ELOVL2: variants seen among roughly 807,000 people sequenced by gnomAD.
The protein encoded by ELOVL2 is ELOVL fatty acid elongase 2, also known as very long chain fatty acid elongase 2.
ELOVL2 carries 38 observed loss-of-function variants against 37.7 expected under a neutral mutation model. The ratio of observed to expected loss-of-function variants is 1.01; its 90% CI spans 0.78 to 1.32. ELOVL2 has a LOEUF of 1.32. ELOVL2 is among the 40% of genes most tolerant of loss of function. The pLI, the probability that ELOVL2 is intolerant of heterozygous loss-of-function variation, is 0.00. For synonymous variants in ELOVL2, 115 were observed against 122.3 expected (o/e 0.94, Z 0.40); for missense variants, 352 against 363.6 (o/e 0.97, Z 0.26).
rs759405393 is a variant in ELOVL2 at position 10,990,272 on chromosome 6, C to T, written c.630+46G>A. On this transcript the variant is annotated intron_variant, in intron 6 of 7. Coordinates refer to ENST00000354666, the MANE Select transcript of ELOVL2 (RefSeq NM_017770.4). ...TTCTAAGATTTCTATTTCCTTTCCC[C>T]ATCCATAAGCCACATGGAGAAAAGC... 3 of 1,589,022 alleles carry T rather than the reference C, an allele frequency of 1.9e-6. No homozygotes were observed. The African/African-American group carries it at 4.1e-5, about 22-fold the overall frequency.
chr6:10,992,408 T>C (rs1005895191), intron 5 of ELOVL2, among the ~76,000 whole-genome samples: 2 of 144,974 alleles, frequency 1.4e-5, no homozygotes, highest in Non-Finnish European at 3.1e-5. Flanking sequence ...CTGTTCCCTA[T>C]AGCTCAGTGC....
chr6:11,032,569 C>T lies in ELOVL2; in HGVS notation c.3+11659G>A, dbSNP rs185625104. 2.2e-4 allele frequency among the ~76,000 whole-genome samples: 34 copies of T among 152,260 alleles called. 1 individual carries two copies. In the Middle Eastern group the frequency reaches 0.01, roughly 46 times the overall value. ...TCCTCTGTATGCATGAATCTGCATC[C>T]GTGGATTCAGCCAATCACTTACTAG... On this transcript the variant is annotated intron_variant, in intron 1 of 7. Coordinates refer to ENST00000354666, the MANE Select transcript of ELOVL2 (RefSeq NM_017770.4).
chr6:11,042,617 C>T (rs78794430), intron 1 of ELOVL2, among the ~76,000 whole-genome samples: 2,493 of 151,954 alleles, frequency 0.016, 55 homozygotes, highest in African/African-American at 0.057. Flanking sequence ...AATGCTTTGT[C>T]CACTCTGATG....
At chr6:10,995,765 G>A (rs1782257114) in intron 4 of ELOVL2, among the ~76,000 whole-genome samples, 1 of 152,206 alleles carries the variant, frequency 6.6e-6, no homozygotes, top group Non-Finnish European at 1.5e-5. Context: ...GGTGTAGCTA[G>A]TGTTACGAAT....
At chr6:10,994,534 T>C (rs1455532822) in intron 5 of ELOVL2, among the ~76,000 whole-genome samples, 2 of 152,062 alleles carry the variant, frequency 1.3e-5, no homozygotes, top group Admixed American at 1.3e-4. Context: ...GTATTTCTTA[T>C]TGTAATTCTG....
chr6:11,011,030 A>C (rs917036218), intron 1 of ELOVL2, among the ~76,000 whole-genome samples: 1 of 152,150 alleles, frequency 6.6e-6, no homozygotes, highest in African/African-American at 2.4e-5. Context: ...TTATTTCCTT[A>C]GGCAAGAGGA....
intron 5 of ELOVL2, among the ~76,000 whole-genome samples, chr6:10,990,671 C>G (rs537696788): frequency 2.9e-4 from 32 of 108,516 alleles, no homozygotes; most frequent in Non-Finnish European, 4.5e-4. Context: ...CAGAATGCCC[C>G]CCCCCCGCCA....
chr6:10,996,549 A>G (rs558646008), intron 4 of ELOVL2, among the ~76,000 whole-genome samples: 43 of 152,222 alleles, frequency 2.8e-4, no homozygotes, highest in African/African-American at 1.0e-3. Context: ...GGGCACCTGT[A>G]GTCCCAGCTA....
chr6:11,003,817 C>T (rs1168908087), intron 3 of ELOVL2, among the ~76,000 whole-genome samples: 1 of 152,118 alleles, frequency 6.6e-6, no homozygotes. Flanking sequence ...GGTGGCGGCT[C>T]ACGCCTGTAA....
intron 4 of ELOVL2, 69 bp downstream of exon 4, chr6:11,000,018 A>C (rs1782351561): frequency 7.2e-7 from 1 of 1,384,298 alleles, no homozygotes; most frequent in African/African-American, 1.4e-5. Flanking sequence ...TCTATCTGGA[A>C]GGAGAAAACC....
intron 1 of ELOVL2, among the ~76,000 whole-genome samples, chr6:11,035,900 C>T (rs528017186): frequency 2.6e-5 from 4 of 152,214 alleles, no homozygotes; most frequent in African/African-American, 9.6e-5. Context: ...GTACTGAGCA[C>T]GTGCTGAATG....
At chr6:11,034,642 C>G (rs1782981609) in intron 1 of ELOVL2, among the ~76,000 whole-genome samples, 1 of 151,756 alleles carries the variant, frequency 6.6e-6, no homozygotes, top group South Asian at 2.1e-4. Context: ...GAGATTGCGC[C>G]ACTGCACTCC....
chr6:11,031,037 C>T (rs1248867816), intron 1 of ELOVL2, among the ~76,000 whole-genome samples: 1 of 152,180 alleles, frequency 6.6e-6, no homozygotes, highest in East Asian at 1.9e-4. Context: ...TGCACTATAA[C>T]GTAGCACACT....
chr6:11,021,161 C>T (rs1030781381), intron 1 of ELOVL2, among the ~76,000 whole-genome samples: 1 of 152,218 alleles, frequency 6.6e-6, no homozygotes, highest in African/African-American at 2.4e-5. Flanking sequence ...CAGATGTCCT[C>T]TTTGTTCCAG....
rs144312984 is a variant in ELOVL2, at chr6:11,030,677, A to G, written c.3+13551T>C. ...CGGCTAATTTTTTTGTATTTTTAGT[A>G]GAGATGGGGTTTCACTGTGTTAGCC... On this transcript the variant is annotated intron_variant, in intron 1 of 7. Coordinates refer to ENST00000354666, the MANE Select transcript of ELOVL2 (RefSeq NM_017770.4). 5.3e-3 allele frequency among the ~76,000 whole-genome samples: 804 copies of G among 151,878 alleles called. 1 individual carries two copies. The highest frequency in any genetic ancestry group is 0.018 in the African/African-American group (761 of 41,270).
At chr6:11,028,437 C>T (rs571099627) in intron 1 of ELOVL2, among the ~76,000 whole-genome samples, 4 of 152,206 alleles carry the variant, frequency 2.6e-5, no homozygotes, top group South Asian at 4.1e-4. Flanking sequence ...GGGTGGCTTC[C>T]GTCCAGAGAA....
At chr6:11,007,873 CACCTGAGGT>C (rs1782506778) in intron 2 of ELOVL2, among the ~76,000 whole-genome samples, 1 of 152,150 alleles carries the variant, frequency 6.6e-6, no homozygotes, top group South Asian at 2.1e-4. Flanking sequence ...ACTAATATAG[CACCTGAGGT>C]TTTTGTTTTC....
At chr6:11,014,679 T>C (rs1293725211) in intron 1 of ELOVL2, among the ~76,000 whole-genome samples, 1 of 151,890 alleles carries the variant, frequency 6.6e-6, no homozygotes, top group Admixed American at 6.6e-5. Flanking sequence ...TGTACATACA[T>C]GCCTAGGCAA....
In ELOVL2 at chr6:11,035,883, T is replaced by C. The variant is rs146534181; in HGVS notation, c.3+8345A>G. On this transcript the variant is annotated intron_variant, in intron 1 of 7. Coordinates refer to ENST00000354666, the MANE Select transcript of ELOVL2 (RefSeq NM_017770.4). ...GACAGTGCTTACACACTGCCTCTAA[T>C]TGAGCAGTACTGAGCACGTGCTGAA... Among the ~76,000 whole-genome samples, 86 of 152,318 alleles carry C rather than the reference T, an allele frequency of 5.6e-4. 1 individual carries two copies. Among genetic ancestry groups the C allele is most frequent in the Non-Finnish European group, 1.0e-3 (68 of 68,034 alleles).
Sources: gnomAD v4.1 joint callset for allele counts (sites outside exome capture counted in the v4.1 genomes callset) on GRCh38, gnomAD v4.1.1 for gene constraint, MANE v1.5 for transcripts, NCBI Gene and HGNC (gene_info 2026-07-23, HGNC 2026-07-21) for gene names.